CD38: variants seen among roughly 807,000 people sequenced by gnomAD.
CD38 encodes CD38 molecule, also known as ADP-ribosyl cyclase/cyclic ADP-ribose hydrolase 1.
A neutral mutation model predicts 36.3 loss-of-function variants in CD38; 31 were observed. That is an observed-to-expected ratio of 0.85 (90% confidence interval 0.64 to 1.15). The LOEUF (loss-of-function observed/expected upper bound fraction) is 1.15. Among genes scored for constraint, CD38 ranks in the 50% most tolerant of loss-of-function variants. The pLI, the probability that CD38 is intolerant of heterozygous loss-of-function variation, is 0.00. For missense variants in CD38, 380 were observed against 371.9 expected (o/e 1.02, Z -0.18); for synonymous variants, 131 against 135.2 (o/e 0.97, Z 0.22).
intron 1 of CD38, among the ~76,000 whole-genome samples, chr4:15,790,630 GC>G (rs1244188040): frequency 6.6e-6 from 1 of 151,890 alleles, no homozygotes; most frequent in Non-Finnish European, 1.5e-5. Context: ...TCTCTGCCTG[GC>G]CCCCCATCGT....
At chr4:15,829,220 T>C (rs1723913007) in intron 3 of CD38, among the ~76,000 whole-genome samples, 1 of 152,216 alleles carries the variant, frequency 6.6e-6, no homozygotes, top group Non-Finnish European at 1.5e-5. Context: ...TTGTTTGTTT[T>C]TTAATTTTTA....
At chr4:15,827,810 A>G (rs1245170722) in intron 3 of CD38, among the ~76,000 whole-genome samples, 2 of 151,982 alleles carry the variant, frequency 1.3e-5, no homozygotes, top group African/African-American at 4.8e-5. Flanking sequence ...AGTTTTATTT[A>G]TCTACATTCT....
intron 6 of CD38, 78 bp from the exon 7 acceptor site, chr4:15,840,374 G>T: frequency 1.1e-6 from 1 of 944,012 alleles, no homozygotes; most frequent in Non-Finnish European, 1.7e-6. Context: ...CTTGTCCAGG[G>T]CGTGCTACAA....
chr4:15,833,581 A>ATGTGC (rs377399117), intron 3 of CD38, among the ~76,000 whole-genome samples: 58 of 152,300 alleles, frequency 3.8e-4, no homozygotes, highest in African/African-American at 1.3e-3. Context: ...TTACTATATC[A>ATGTGC]TGTGCTCTCT....
chr4:15,806,016 A>G (rs569231472), intron 1 of CD38, among the ~76,000 whole-genome samples: 1 of 152,320 alleles, frequency 6.6e-6, no homozygotes, highest in South Asian at 2.1e-4. Flanking sequence ...GGGACACATT[A>G]TGAAGGTGAT....
intron 1 of CD38, among the ~76,000 whole-genome samples, chr4:15,793,019 C>G (rs770712138): frequency 6.6e-6 from 1 of 152,182 alleles, no homozygotes; most frequent in Non-Finnish European, 1.5e-5. Flanking sequence ...TTCCCACCTT[C>G]TGGGTTTGGC....
Position 15,840,489 on chromosome 4 carries a change from T to A in CD38, c.790T>A (p.Ser264Thr). Residue 264 changes from serine to threonine, a missense_variant, in exon 7 of 8, where the codon TCG (serine) becomes ACG (threonine). By Grantham distance (58) the Ser-to-Thr change is moderately conservative. Coordinates refer to ENST00000226279, the MANE Select transcript of CD38 (RefSeq NM_001775.4). Reference protein sequence around the residue: ...CQDPTIKELESIISKRNIQFS... With the variant: ...CQDPTIKELETIISKRNIQFS... ...GGATCCCACCATAAAAGAGCTGGAA[T>A]CGATTATAAGCAAAAGGAATATTCA... 6.2e-7 allele frequency: 1 copy of A among 1,606,906 alleles called. No individual in the cohort carries two copies. Among genetic ancestry groups the A allele is most frequent in the Non-Finnish European group, 8.5e-7 (1 of 1,173,850 alleles).
chr4:15,830,951 C>T (rs1317015687), intron 3 of CD38, among the ~76,000 whole-genome samples: 1 of 151,932 alleles, frequency 6.6e-6, no homozygotes, highest in East Asian at 1.9e-4. Context: ...TCTTCTCTTC[C>T]TTCTTTCTTT....
chr4:15,779,822 G>A (rs888519232), intron 1 of CD38, among the ~76,000 whole-genome samples: 16 of 151,752 alleles, frequency 1.1e-4, no homozygotes, highest in African/African-American at 3.9e-4. Flanking sequence ...AAGTAACACT[G>A]GTCTTGAAGA....
chr4:15,780,530 A>T (rs7667311), intron 1 of CD38, among the ~76,000 whole-genome samples: 1 of 36,938 alleles, frequency 2.7e-5, no homozygotes, highest in Non-Finnish European at 5.8e-5. Flanking sequence ...ACACACACAC[A>T]CACACACACA....
intron 1 of CD38, among the ~76,000 whole-genome samples, chr4:15,785,792 TGGTC>T (rs1722805891): frequency 6.6e-6 from 1 of 152,226 alleles, no homozygotes; most frequent in African/African-American, 2.4e-5. Flanking sequence ...CGTGGGTTCT[TGGTC>T]TCACTAACTT....
At chr4:15,787,158 G>A (rs1166229387) in intron 1 of CD38, among the ~76,000 whole-genome samples, 2 of 152,250 alleles carry the variant, frequency 1.3e-5, no homozygotes, top group East Asian at 3.9e-4. Flanking sequence ...CTCCCACAGT[G>A]CAGCTGTGGG....
chr4:15,832,338 TGCA>T (rs1723975921), intron 3 of CD38, among the ~76,000 whole-genome samples: 3 of 152,216 alleles, frequency 2.0e-5, no homozygotes, highest in Admixed American at 6.5e-5. Context: ...GATATTTTTC[TGCA>T]TCTAGGCATT....
chr4:15,829,903 T>C (rs1218569776), intron 3 of CD38, among the ~76,000 whole-genome samples: 1 of 152,226 alleles, frequency 6.6e-6, no homozygotes, highest in East Asian at 1.9e-4. Flanking sequence ...CTATTCATGT[T>C]GTTGCAAATG....
At chr4:15,839,915 C>A in intron 5 of CD38, 111 bp from the exon 6 acceptor site, 1 of 739,692 alleles carries the variant, frequency 1.4e-6, no homozygotes, top group Non-Finnish European at 2.5e-6. Context: ...GATGTGTCAA[C>A]TCTAAAGGAT....
rs769741395 is a variant in CD38 at position 15,840,081 on chromosome 4, G to C, written c.715G>C (p.Glu239Gln). The change falls in exon 6 of 8, where the codon GAG (glutamate) becomes CAG (glutamine). Residue 239 changes from glutamate (E) to glutamine (Q), a missense_variant. Coordinates refer to ENST00000226279, the MANE Select transcript of CD38 (RefSeq NM_001775.4). The stretch of plus-strand genomic sequence containing the variant: ...GCAACCAGAGAAGGTTCAGACACTA[G>C]AGGCCTGGGTGATACATGGTGGAAG... ...NLQPEKVQTL[E>Q]AWVIHGGRED... 6.2e-7 allele frequency: 1 copy of C among 1,613,246 alleles called. No individual in the cohort carries two copies. Among genetic ancestry groups the C allele is most frequent in the Admixed American group, 1.7e-5 (1 of 60,008 alleles).
chr4:15,824,219 G>C (rs1723798812), intron 2 of CD38, among the ~76,000 whole-genome samples: 1 of 151,870 alleles, frequency 6.6e-6, no homozygotes, highest in Non-Finnish European at 1.5e-5. Flanking sequence ...CTAGGTGATG[G>C]GTTAATAGGT....
chr4:15,831,883 A>G (rs1405960986), intron 3 of CD38, among the ~76,000 whole-genome samples: 1 of 152,150 alleles, frequency 6.6e-6, no homozygotes, highest in African/African-American at 2.4e-5. Flanking sequence ...TTCTACCTGT[A>G]TCTCTTTTTC....
intron 5 of CD38, 124 bp downstream of exon 5, chr4:15,838,289 A>G: frequency 5.2e-6 from 4 of 764,178 alleles, no homozygotes; most frequent in South Asian, 5.1e-5. Context: ...GGGCCAAAAA[A>G]GGTAAAAATT....
Sources: gnomAD v4.1 joint callset for allele counts (sites outside exome capture counted in the v4.1 genomes callset) on GRCh38, gnomAD v4.1.1 for gene constraint, MANE v1.5 for transcripts, NCBI Gene and HGNC (gene_info 2026-07-23, HGNC 2026-07-21) for gene names.